MRPL48: variants seen among roughly 807,000 people sequenced by gnomAD.
The protein encoded by MRPL48 is large ribosomal subunit protein mL48.
Under a neutral mutation model 32.9 loss-of-function variants are expected in MRPL48, and 16 were observed. The ratio of observed to expected loss-of-function variants is 0.49; its 90% CI spans 0.33 to 0.74. The LOEUF (loss-of-function observed/expected upper bound fraction) is 0.74, where lower values mean the gene tolerates loss of function less well. MRPL48 is among the 30% of genes least tolerant of loss of function. The pLI, the probability that MRPL48 is intolerant of heterozygous loss-of-function variation, is 0.02. For missense variants in MRPL48, 206 were observed against 245.3 expected, an observed-to-expected ratio of 0.84 and a Z score of 1.07; for synonymous variants, 94 against 89.2, an observed-to-expected ratio of 1.05 and a Z score of -0.31.
At chr11:73,851,914 AACGTACAC>A (rs1457871515) in intron 5 of MRPL48, among the ~76,000 whole-genome samples, 1 of 110,750 alleles carries the variant, frequency 9.0e-6, no homozygotes, top group Non-Finnish European at 1.8e-5. Flanking sequence ...AGTTTCAGGG[AACGTACAC>A]ACACACACAC....
chr11:73,821,132 T>A (rs749764044), intron 3 of MRPL48, among the ~76,000 whole-genome samples: 4 of 152,090 alleles, frequency 2.6e-5, no homozygotes, highest in Admixed American at 6.6e-5. Context: ...GCTAGGGCTA[T>A]AGGCACATGC....
At chr11:73,846,265 A>G (rs888848572) in intron 5 of MRPL48, among the ~76,000 whole-genome samples, 4 of 151,960 alleles carry the variant, frequency 2.6e-5, no homozygotes, top group African/African-American at 9.7e-5. Flanking sequence ...TTCACTTATC[A>G]TAATATCCTC....
At chr11:73,860,052 G>A in intron 6 of MRPL48, 43 bp downstream of exon 6, 1 of 1,514,726 alleles carries the variant, frequency 6.6e-7, no homozygotes, top group Non-Finnish European at 9.0e-7. Flanking sequence ...GCTTCTCCTG[G>A]TTCTTTTCTC....
chr11:73,848,818 AT>A (rs36041695), intron 5 of MRPL48, among the ~76,000 whole-genome samples: 33 of 146,510 alleles, frequency 2.3e-4, no homozygotes, highest in Non-Finnish European at 1.8e-4. Context: ...TCCCTTTGTA[AT>A]TTTTTTTTTT....
chr11:73,828,416 G>T (rs191674467), intron 4 of MRPL48, among the ~76,000 whole-genome samples: 1 of 151,948 alleles, frequency 6.6e-6, no homozygotes, highest in Admixed American at 6.6e-5. Flanking sequence ...TGTAAAGATG[G>T]TATTTTGCCA....
intron 3 of MRPL48, among the ~76,000 whole-genome samples, chr11:73,824,793 TATTTTATCCCCTTACTGCCA>T (rs759906990): frequency 2.5e-4 from 38 of 152,292 alleles, no homozygotes; most frequent in Non-Finnish European, 4.3e-4. Flanking sequence ...TCTGAGAATG[TATTTTATCCCCTTACTGCCA>T]GTGGCTTTAT....
At chr11:73,803,459 G>C (rs1175260144) in intron 1 of MRPL48, among the ~76,000 whole-genome samples, 3 of 151,806 alleles carry the variant, frequency 2.0e-5, no homozygotes, top group Non-Finnish European at 4.4e-5. Flanking sequence ...TATAATTAAT[G>C]AGCCAATATT....
intron 3 of MRPL48, among the ~76,000 whole-genome samples, chr11:73,814,521 C>G (rs1157403897): frequency 2.6e-5 from 4 of 151,572 alleles, no homozygotes; most frequent in Non-Finnish European, 5.9e-5. Context: ...ATGGTGAAAC[C>G]CCATCTCTAC....
chr11:73,796,548 C>T (rs755500128), intron 1 of MRPL48, among the ~76,000 whole-genome samples: 5 of 152,250 alleles, frequency 3.3e-5, no homozygotes, highest in Non-Finnish European at 5.9e-5. Flanking sequence ...TGCCCCTTGG[C>T]ACCTACAGGG....
chr11:73,830,519 A>G (rs1280673914), intron 4 of MRPL48, among the ~76,000 whole-genome samples: 2 of 152,122 alleles, frequency 1.3e-5, no homozygotes, highest in Admixed American at 6.6e-5. Flanking sequence ...GGGGAACTGG[A>G]CTAGTTAAAC....
Position 73,860,091 on chromosome 11 carries a change from CT to C in MRPL48, c.474+86del, listed in dbSNP as rs1268319448. ...CCACTTTTTCACTTTCTATTATGCT[CT>C]TTTCTTTTCTTTCTTGAATAATAGT... On this transcript the variant is annotated intron_variant, in intron 6 of 7. Transcript: ENST00000310614. The C allele has an allele frequency of 3.5e-6, 4 of 1,151,780 alleles. No individual in the cohort carries two copies. In the Admixed American group the frequency reaches 9.4e-5, roughly 27 times the overall value. 71.3% of individuals were successfully genotyped at this position (1,151,780 alleles called of 1,614,324 possible).
chr11:73,794,194 A>ATCCG (rs1947204748), intron 1 of MRPL48, among the ~76,000 whole-genome samples: 1 of 150,204 alleles, frequency 6.7e-6, no homozygotes, highest in Middle Eastern at 3.2e-3. Context: ...GTATCTATCT[A>ATCCG]TCTATCTATC....
intron 4 of MRPL48, among the ~76,000 whole-genome samples, chr11:73,835,638 C>A (rs939473327): frequency 2.0e-5 from 3 of 152,150 alleles, no homozygotes; most frequent in Non-Finnish European, 4.4e-5. Flanking sequence ...GTGACTCACA[C>A]CTGTAATCCC....
chr11:73,805,039 A>C lies in MRPL48; in HGVS notation c.34A>C (p.Arg12=). The C allele has an allele frequency of 6.3e-7, 1 of 1,591,072 alleles. No individual in the cohort carries two copies. The highest frequency in any genetic ancestry group is 8.6e-7 in the Non-Finnish European group (1 of 1,167,746). ...SGTLEKVLCL[R]NNTIFKQAFS... Reference sequence around the variant, plus strand: ...TGTTTTGCTGTAGGTGCTGTGCCTGAGGAACAATACCATTTTTAAGCAAGC... The same window carrying C: ...TGTTTTGCTGTAGGTGCTGTGCCTGCGGAACAATACCATTTTTAAGCAAGC... Residue 12 remains arginine, a synonymous_variant, in exon 2 of 8, where the codon AGG becomes CGG. Transcript: ENST00000310614.
chr11:73,806,242 T>C (rs898773524), intron 2 of MRPL48, among the ~76,000 whole-genome samples: 3 of 152,160 alleles, frequency 2.0e-5, no homozygotes, highest in Non-Finnish European at 4.4e-5. Context: ...CCTGCAATCT[T>C]TACCATGGCC....
chr11:73,851,181 G>T, intron 5 of MRPL48: 1 of 435,132 alleles, frequency 2.3e-6, no homozygotes, highest in South Asian at 1.7e-5. Flanking sequence ...ACTCCTCCCA[G>T]TTCACACCGC....
At chr11:73,825,571 C>T (rs1384450232) in intron 3 of MRPL48, 137 bp from the exon 4 acceptor site, 1 of 697,412 alleles carries the variant, frequency 1.4e-6, no homozygotes, top group East Asian at 3.1e-5. Context: ...TGTCTTGTAC[C>T]AGAAGTTCGA....
chr11:73,839,852 CT>C (rs2135043084), intron 4 of MRPL48, among the ~76,000 whole-genome samples: 1 of 152,226 alleles, frequency 6.6e-6, no homozygotes, highest in East Asian at 1.9e-4. Flanking sequence ...AATCCCAGCA[CT>C]TCGGGAGGCT....
intron 3 of MRPL48, among the ~76,000 whole-genome samples, chr11:73,820,877 A>T (rs1040770046): frequency 2.0e-5 from 3 of 152,132 alleles, no homozygotes; most frequent in Non-Finnish European, 4.4e-5. Context: ...TTCTGGTTTC[A>T]GTTAAAATCT....
Sources: gnomAD v4.1 joint callset for allele counts (sites outside exome capture counted in the v4.1 genomes callset) on GRCh38, gnomAD v4.1.1 for gene constraint, MANE v1.5 for transcripts, NCBI Gene and HGNC (gene_info 2026-07-23, HGNC 2026-07-21) for gene names.